The following PID1 variants were observed in gnomAD, a reference collection of about 807,000 sequenced individuals.
PID1 encodes PTB-containing, cubilin and LRP1-interacting protein.
A neutral mutation model predicts 19.1 loss-of-function variants in PID1; 10 were observed. The observed-to-expected ratio is 0.52, with a 90% CI of 0.32 to 0.89. PID1 has a LOEUF of 0.89. Ranked by LOEUF, PID1 falls within the 40% of genes least tolerant of loss-of-function variation. The probability of loss-of-function intolerance (pLI) is 0.03; values close to 1 mark genes in which losing one functional copy is unlikely to be tolerated. For missense variants in PID1, 248 were observed against 285.3 expected (o/e 0.87, Z 0.94); for synonymous variants, 130 against 116.0 (o/e 1.12, Z -0.78).
At chr2:229,235,857 G>T (rs1253546421) in intron 1 of PID1, among the ~76,000 whole-genome samples, 1 of 152,176 alleles carries the variant, frequency 6.6e-6, no homozygotes, top group African/African-American at 2.4e-5. Flanking sequence ...TGGCTTCCAG[G>T]CATCTCGGGA....
At position 229,151,670 on chromosome 2, in the gene PID1, A is replaced by G. The variant is rs370856808; in HGVS notation, c.177+4148T>C. Reference sequence around the variant, plus strand: ...ACTGCAAGCTCCACCTCCCGGGTTCATGCCATTCTCCTGCCTCAACCTCCC... The same window carrying G: ...ACTGCAAGCTCCACCTCCCGGGTTCGTGCCATTCTCCTGCCTCAACCTCCC... On this transcript the variant is annotated intron_variant, in intron 2 of 2. Coordinates refer to ENST00000392055, the MANE Select transcript of PID1 (RefSeq NM_001100818.2). 5.3e-5 allele frequency among the ~76,000 whole-genome samples: 8 copies of G among 150,646 alleles called. No individual in the cohort carries two copies. The East Asian group carries it at 1.4e-3, about 26-fold the overall frequency.
At chr2:229,268,536 T>G (rs1690653047) in intron 1 of PID1, among the ~76,000 whole-genome samples, 2 of 152,218 alleles carry the variant, frequency 1.3e-5, no homozygotes, top group Admixed American at 1.3e-4. Context: ...TATTAGGAAG[T>G]TCTGGGAATG....
chr2:229,043,067 G>A (rs1441888474), intron 2 of PID1, among the ~76,000 whole-genome samples: 2 of 151,526 alleles, frequency 1.3e-5, no homozygotes, highest in Non-Finnish European at 2.9e-5. Flanking sequence ...GTGCAGTGGA[G>A]CGATCTTGGA....
At chr2:229,119,826 A>C (rs1334296379) in intron 2 of PID1, among the ~76,000 whole-genome samples, 3 of 152,198 alleles carry the variant, frequency 2.0e-5, no homozygotes, top group African/African-American at 7.2e-5. Context: ...CAATGTAGTC[A>C]GGCCTCACGT....
At chr2:229,250,230 C>T (rs74423580) in intron 1 of PID1, among the ~76,000 whole-genome samples, 9,316 of 152,256 alleles carry the variant, frequency 0.061, 489 homozygotes, top group East Asian at 0.2. Context: ...ATCCAAACAG[C>T]ATCTGTCCAA....
At chr2:229,263,352 A>C (rs1423247936) in intron 1 of PID1, among the ~76,000 whole-genome samples, 1 of 152,218 alleles carries the variant, frequency 6.6e-6, no homozygotes, top group African/African-American at 2.4e-5. Context: ...GCAATGCTAG[A>C]CATCACATCT....
At chr2:229,163,677 G>A (rs1319176699) in intron 1 of PID1, among the ~76,000 whole-genome samples, 1 of 48,346 alleles carries the variant, frequency 2.1e-5, no homozygotes, top group African/African-American at 3.8e-5. Context: ...GTGTGTGTGC[G>A]TGTGCGTGTG....
intron 2 of PID1, among the ~76,000 whole-genome samples, chr2:229,057,315 T>C (rs184878706): frequency 9.9e-4 from 150 of 152,086 alleles, no homozygotes; most frequent in African/African-American, 3.5e-3. Context: ...TGGGTGCCTG[T>C]AATCCCAGCT....
chr2:229,068,297 T>C (rs972619910), intron 2 of PID1, among the ~76,000 whole-genome samples: 3 of 152,150 alleles, frequency 2.0e-5, no homozygotes, highest in African/African-American at 7.2e-5. Context: ...AGAAACTTGG[T>C]GGCTTTCAGG....
intron 2 of PID1, among the ~76,000 whole-genome samples, chr2:229,098,489 C>G (rs1298990753): frequency 6.6e-6 from 1 of 152,124 alleles, no homozygotes; most frequent in African/African-American, 2.4e-5. Context: ...GTAGTTTCCA[C>G]TTGTAAAGTG....
chr2:229,193,370 G>C (rs1029886035), intron 1 of PID1, among the ~76,000 whole-genome samples: 2 of 152,156 alleles, frequency 1.3e-5, no homozygotes, highest in African/African-American at 4.8e-5. Context: ...CGAAAGGTCT[G>C]GGAAGAAGCT....
chr2:229,222,030 C>G (rs1427380687), intron 1 of PID1, among the ~76,000 whole-genome samples: 1 of 152,236 alleles, frequency 6.6e-6, no homozygotes, highest in African/African-American at 2.4e-5. Context: ...CTAAGCACCC[C>G]TCTCCCACTC....
At chr2:229,130,578 T>C (rs1022235690) in intron 2 of PID1, among the ~76,000 whole-genome samples, 8 of 152,278 alleles carry the variant, frequency 5.3e-5, no homozygotes, top group African/African-American at 1.7e-4. Flanking sequence ...TGTCAGGCAG[T>C]TTCATGGGTC....
chr2:229,025,244 C>A lies in PID1; in HGVS notation c.*388G>T. On this transcript the variant is annotated 3_prime_UTR_variant, in exon 3 of 3. Transcript: ENST00000392055. Reference sequence around the variant, plus strand: ...ACCCCACTAGAGATCCCATAGGTGCCCCTAACATTCTTGTGGAATTTCATA... The same window carrying A: ...ACCCCACTAGAGATCCCATAGGTGCACCTAACATTCTTGTGGAATTTCATA... 5.0e-6 allele frequency: 1 copy of A among 201,692 alleles called. No individual in the cohort carries two copies. The highest frequency in any genetic ancestry group is 5.3e-5 in the Admixed American group (1 of 18,774). 12.5% of individuals were successfully genotyped at this position (201,692 alleles called of 1,614,324 possible). A position where few individuals can be genotyped will look rare whatever the true frequency, so the allele number is the denominator to read the frequency against.
At chr2:229,049,466 A>T (rs1459011071) in intron 2 of PID1, among the ~76,000 whole-genome samples, 1 of 152,160 alleles carries the variant, frequency 6.6e-6, no homozygotes, top group Non-Finnish European at 1.5e-5. Context: ...GGTAATGACA[A>T]TCCTGGTGGG....
At chr2:229,233,823 C>T (rs377440117) in intron 1 of PID1, among the ~76,000 whole-genome samples, 18 of 152,212 alleles carry the variant, frequency 1.2e-4, no homozygotes, top group African/African-American at 1.9e-4. Flanking sequence ...TATTATACAA[C>T]GAGGAAACCT....
intron 2 of PID1, among the ~76,000 whole-genome samples, chr2:229,076,587 C>A (rs1323960573): frequency 6.6e-6 from 1 of 152,030 alleles, no homozygotes; most frequent in Non-Finnish European, 1.5e-5. Flanking sequence ...TATTTCCCTC[C>A]CTGTGCCCAT....
chr2:229,038,478 T>C (rs1431276649), intron 2 of PID1, among the ~76,000 whole-genome samples: 1 of 152,166 alleles, frequency 6.6e-6, no homozygotes, highest in African/African-American at 2.4e-5. Context: ...AATTTTGATA[T>C]AACAAAACTT....
chr2:229,153,094 G>A (rs1690290783), intron 2 of PID1, among the ~76,000 whole-genome samples: 1 of 152,116 alleles, frequency 6.6e-6, no homozygotes, highest in Non-Finnish European at 1.5e-5. Flanking sequence ...TCTTGAAGAT[G>A]ATCAGAAAAA....
Sources: allele counts gnomAD v4.1 joint callset (sites outside exome capture counted in the v4.1 genomes callset), GRCh38; gene constraint gnomAD v4.1.1; transcripts MANE v1.5; gene names NCBI Gene and HGNC (gene_info 2026-07-23, HGNC 2026-07-21).